ABCC5: variants seen among roughly 807,000 people sequenced by gnomAD.
ABCC5 encodes ATP-binding cassette sub-family C member 5.
A neutral mutation model predicts 160.9 loss-of-function variants in ABCC5; 61 were observed. The ratio of observed to expected loss-of-function variants is 0.38; its 90% confidence interval spans 0.31 to 0.47. The LOEUF (loss-of-function observed/expected upper bound fraction) is 0.47, where lower values mean the gene tolerates loss of function less well. Among genes scored for constraint, ABCC5 ranks in the 20% least tolerant of loss-of-function variants. The pLI is 0.99. For missense variants in ABCC5, 1,308 were observed against 1,813.3 expected (o/e 0.72, Z 5.06); for synonymous variants, 666 against 700.6 (o/e 0.95, Z 0.78).
intron 2 of ABCC5, among the ~76,000 whole-genome samples, chr3:183,992,627 A>G (rs2108878196): frequency 6.6e-6 from 1 of 152,102 alleles, no homozygotes; most frequent in Admixed American, 6.5e-5. Context: ...CTACTAAAAA[A>G]AAATACAAAA....
chr3:183,978,692 G>T (rs756988600), intron 8 of ABCC5, 41 bp from the exon 9 acceptor site: 1 of 1,597,052 alleles, frequency 6.3e-7, no homozygotes, highest in Admixed American at 1.7e-5. Flanking sequence ...CAAGTTAAAA[G>T]AAGCCTAGGG....
intron 5 of ABCC5, chr3:183,983,632 T>TG: frequency 4.2e-5 from 24 of 572,596 alleles, no homozygotes; most frequent in Non-Finnish European, 5.3e-5. Flanking sequence ...TAACACCACC[T>TG]GCAGAGGGAA....
chr3:183,971,957 C>T, intron 10 of ABCC5, 38 bp from the exon 11 acceptor site: 1 of 1,611,196 alleles, frequency 6.2e-7, no homozygotes, highest in Non-Finnish European at 8.5e-7. Context: ...AGATGAGACA[C>T]TGGATCAAGA....
In ABCC5 at chr3:183,965,374, T is replaced by C. The variant is rs367611958; in HGVS notation, c.1958+3A>G. The C allele has an allele frequency of 1.2e-6, 2 of 1,614,176 alleles. No homozygotes were observed. Among genetic ancestry groups the C allele is most frequent in the Non-Finnish European group, 1.7e-6 (2 of 1,180,034 alleles). ...AGCATGACAGAAGCCAAACATTCCT[T>C]GCCTTTCTTCATCATATTCCTTCCC... On this transcript the variant is annotated splice_donor_region_variant and intron_variant, in intron 13 of 29. Coordinates refer to ENST00000334444, the MANE Select transcript of ABCC5 (RefSeq NM_005688.4).
At chr3:183,936,047 T>C (rs1713681518) in intron 26 of ABCC5, among the ~76,000 whole-genome samples, 1 of 152,052 alleles carries the variant, frequency 6.6e-6, no homozygotes, top group Non-Finnish European at 1.5e-5. Flanking sequence ...CTGACCCCAA[T>C]GTGATGGTGT....
At chr3:183,956,279 C>T (rs1283528552) in intron 17 of ABCC5, among the ~76,000 whole-genome samples, 1 of 148,724 alleles carries the variant, frequency 6.7e-6, no homozygotes, top group Non-Finnish European at 1.5e-5. Flanking sequence ...CATGCAGATC[C>T]GTGTGTATAT....
intron 22 of ABCC5, among the ~76,000 whole-genome samples, chr3:183,947,996 T>C (rs1715006866): frequency 6.6e-6 from 1 of 152,172 alleles, no homozygotes; most frequent in Admixed American, 6.5e-5. Context: ...ATGGCACTTG[T>C]TCCCCAGCTA....
chr3:183,982,217 G>T lies in ABCC5; in HGVS notation c.999+234C>A, dbSNP rs1406196311. ...ACACTCCTATGTCAAGTGGGACAGG[G>T]TTCACCAGCTGACCTTCTCATTCAG... On this transcript the variant is annotated intron_variant, in intron 7 of 29. Transcript: ENST00000334444. This position sits in a 1 kb window ranked among gnomAD's most constrained non-coding sequence, Gnocchi z 5.2. 6.6e-6 allele frequency among the ~76,000 whole-genome samples: 1 copy of T among 152,070 alleles called. No homozygotes were observed. Among genetic ancestry groups the T allele is most frequent in the Non-Finnish European group, 1.5e-5 (1 of 68,030 alleles).
intron 2 of ABCC5, among the ~76,000 whole-genome samples, chr3:183,995,362 A>C (rs1720182578): frequency 2.0e-5 from 3 of 152,110 alleles, no homozygotes; most frequent in African/African-American, 4.8e-5. Context: ...TCTTCTTCCA[A>C]CCCCCAGGTC....
chr3:183,985,654 C>G, intron 5 of ABCC5: 1 of 475,578 alleles, frequency 2.1e-6, no homozygotes, highest in South Asian at 2.0e-5. Flanking sequence ...TCTTTTAGAA[C>G]TGTCTTAATC....
In ABCC5 at chr3:183,987,678, A is replaced by T. The variant is rs1032573657; in HGVS notation, c.591+92T>A. 5.1e-6 allele frequency: 8 copies of T among 1,569,896 alleles called. No individual in the cohort carries two copies. The highest frequency in any genetic ancestry group is 1.8e-5 in the Admixed American group (1 of 56,202). On this transcript the variant is annotated intron_variant, in intron 5 of 29. Transcript: ENST00000334444. This position sits in a 1 kb window ranked among gnomAD's most constrained non-coding sequence, Gnocchi z 4.2. Reference sequence around the variant, plus strand: ...TCTCTAAGACTGCTACCTAGCCCAAAGCTGAGCACAACCTCTGCAACAGAA... The same window carrying T: ...TCTCTAAGACTGCTACCTAGCCCAATGCTGAGCACAACCTCTGCAACAGAA...
chr3:183,961,438 T>G, intron 16 of ABCC5, 73 bp downstream of exon 16: 1 of 1,559,492 alleles, frequency 6.4e-7, no homozygotes, highest in South Asian at 1.2e-5. Flanking sequence ...CTGAGGTCTC[T>G]CCATCACTCA....
At chr3:183,927,748 G>A in intron 27 of ABCC5, 5 of 985,414 alleles carry the variant, frequency 5.1e-6, no homozygotes, top group Non-Finnish European at 6.0e-6. Flanking sequence ...CTGAAAATAT[G>A]GTCTTGCAAT....
intron 15 of ABCC5, 106 bp from the exon 16 acceptor site, chr3:183,961,760 G>A (rs1353929921): frequency 2.2e-6 from 3 of 1,372,844 alleles, no homozygotes; most frequent in African/African-American, 2.9e-5. Context: ...TAAGCTCCCA[G>A]AAGACATTTG....
intron 2 of ABCC5, among the ~76,000 whole-genome samples, chr3:184,008,121 G>GT (rs4148565): frequency 0.63 from 95,084 of 152,012 alleles, 30,638 homozygotes; most frequent in East Asian, 0.85. Context: ...TAGAGTACGT[G>GT]TTGTGAGTTT....
chr3:183,954,839 TTA>T lies in ABCC5; in HGVS notation c.2483-1571_2483-1570del, dbSNP rs1715719312. Among the ~76,000 whole-genome samples the T allele has an allele frequency of 4.6e-5, 7 of 152,288 alleles. No individual in the cohort carries two copies. The South Asian group carries it at 1.5e-3, about 32-fold the overall frequency. ...AAGGCAGTTGGATTACAGCTTGGTT[TTA>T]TGTTTTAGGGAGACATGAGACATCA... On this transcript the variant is annotated intron_variant, in intron 17 of 29. Transcript: ENST00000334444.
chr3:183,960,779 T>C (rs115032499), intron 16 of ABCC5, among the ~76,000 whole-genome samples: 2,163 of 130,440 alleles, frequency 0.017, 50 homozygotes, highest in African/African-American at 0.064. Context: ...CTTTCCAAGT[T>C]TCTCTTATGT....
intron 9 of ABCC5, 91 bp from the exon 10 acceptor site, chr3:183,977,715 A>T: frequency 1.2e-6 from 1 of 840,128 alleles, no homozygotes; most frequent in East Asian, 2.7e-5. Context: ...GGCGCTAGGA[A>T]GGCTGCAACT....
At chr3:183,936,706 C>T (rs984582474) in intron 26 of ABCC5, among the ~76,000 whole-genome samples, 18 of 152,266 alleles carry the variant, frequency 1.2e-4, no homozygotes, top group African/African-American at 4.3e-4. Flanking sequence ...GACGGGGTTT[C>T]ACCGTGTTAG....
Sources: allele counts gnomAD v4.1 joint callset (sites outside exome capture counted in the v4.1 genomes callset), GRCh38; gene constraint gnomAD v4.1.1; non-coding constraint Gnocchi (gnomAD v3.1); transcripts MANE v1.5; gene names NCBI Gene and HGNC (gene_info 2026-07-23, HGNC 2026-07-21).